Variants in MOGAT1 observed in about 807,000 individuals in gnomAD.
MOGAT1 encodes monoacylglycerol O-acyltransferase 1.
In MOGAT1, 32 loss-of-function variants were observed where a neutral mutation model predicts 31.4. The ratio of observed to expected loss-of-function variants is 1.02; its 90% CI spans 0.77 to 1.37. The LOEUF is 1.37. Ranked by LOEUF, MOGAT1 falls within the 40% of genes most tolerant of loss-of-function variation. MOGAT1 has a pLI of 0.00. For missense variants in MOGAT1, 426 were observed against 402.0 expected (o/e 1.06, Z -0.51); for synonymous variants, 145 against 144.5 (o/e 1.00, Z -0.03).
intron 5 of MOGAT1, among the ~76,000 whole-genome samples, chr2:222,705,720 G>A (rs1263815608): frequency 6.6e-6 from 1 of 151,980 alleles, no homozygotes; most frequent in Non-Finnish European, 1.5e-5. Context: ...TGTCTTGCTA[G>A]GTTTTTCCGG....
intron 1 of MOGAT1, among the ~76,000 whole-genome samples, chr2:222,672,407 G>C (rs568948457): frequency 4.6e-5 from 7 of 152,258 alleles, no homozygotes; most frequent in African/African-American, 9.6e-5. Context: ...TGTAAAGAAG[G>C]CTGCACCACT....
chr2:222,691,405 C>A (rs1574973857), intron 3 of MOGAT1, among the ~76,000 whole-genome samples: 1 of 151,746 alleles, frequency 6.6e-6, no homozygotes, highest in South Asian at 2.1e-4. Flanking sequence ...AACGGGGTTT[C>A]ACCATGTTAG....
In MOGAT1 at chr2:222,694,501, G is replaced by T. The variant is rs1340148895; in HGVS notation, c.618G>T (p.Gln206His). The T allele has an allele frequency of 2.5e-6, 4 of 1,613,766 alleles. No homozygotes were observed. ...GAAAGTTCACTCTGTTCATCCGCCA[G>T]CGGAAAGGATTTGTTAAAATTGCTT... Reference protein sequence around the residue: ...HPGKFTLFIRQRKGFVKIALT... With the variant: ...HPGKFTLFIRHRKGFVKIALT... Residue 206 changes from glutamine (Q) to histidine (H), a missense_variant, in exon 4 of 6, where the codon CAG becomes CAT. By Grantham distance (24) the Gln-to-His change is conservative. Transcript: ENST00000446656.
chr2:222,702,240 C>G (rs1300196097), intron 5 of MOGAT1, among the ~76,000 whole-genome samples: 1 of 152,112 alleles, frequency 6.6e-6, no homozygotes, highest in Non-Finnish European at 1.5e-5. Flanking sequence ...AGGGGGTCCT[C>G]AGAGACATAC....
At chr2:222,702,191 G>T (rs116794327) in intron 5 of MOGAT1, among the ~76,000 whole-genome samples, 1 of 152,150 alleles carries the variant, frequency 6.6e-6, no homozygotes, top group Non-Finnish European at 1.5e-5. Context: ...AACTGGCCTG[G>T]ACTCTTTAAA....
chr2:222,698,279 T>TC (rs1168774886), intron 5 of MOGAT1, among the ~76,000 whole-genome samples: 1 of 152,222 alleles, frequency 6.6e-6, no homozygotes, highest in African/African-American at 2.4e-5. Context: ...AAAAAGTTTC[T>TC]CAATCCCCCA....
intron 5 of MOGAT1, among the ~76,000 whole-genome samples, chr2:222,708,028 C>G (rs1195767827): frequency 6.6e-6 from 1 of 152,160 alleles, no homozygotes; most frequent in Non-Finnish European, 1.5e-5. Context: ...AGGTCAGAGG[C>G]AGCAGTTTGC....
In MOGAT1 at chr2:222,694,554, T is replaced by C; in HGVS notation, c.653+18T>C. Reference sequence around the variant, plus strand: ...ACCCATGGGTAAGTGGCTTTTTGTATAAAGTAGGGGGTCAGAAAAGTTAAG... The same window carrying C: ...ACCCATGGGTAAGTGGCTTTTTGTACAAAGTAGGGGGTCAGAAAAGTTAAG... On this transcript the variant is annotated intron_variant, in intron 4 of 5. Coordinates refer to ENST00000446656, the MANE Select transcript of MOGAT1 (RefSeq NM_058165.3). 8 of 1,609,646 alleles carry C rather than the reference T, an allele frequency of 5.0e-6. No homozygotes were observed. The highest frequency in any genetic ancestry group is 6.8e-6 in the Non-Finnish European group (8 of 1,177,998).
chr2:222,690,210 G>A (rs961261977), intron 3 of MOGAT1, among the ~76,000 whole-genome samples: 19 of 152,084 alleles, frequency 1.2e-4, no homozygotes, highest in Admixed American at 4.6e-4. Context: ...ACCGGAGATG[G>A]TGCCCCTGCA....
chr2:222,690,105 AT>A (rs1417511874), intron 3 of MOGAT1, among the ~76,000 whole-genome samples: 2 of 152,146 alleles, frequency 1.3e-5, no homozygotes, highest in African/African-American at 4.8e-5. Context: ...AAATGCAAAA[AT>A]TAGCTGGGCA....
In MOGAT1 at chr2:222,688,503, A is replaced by G. The variant is rs1352211384; in HGVS notation, c.254A>G (p.Lys85Arg). The G allele has an allele frequency of 6.2e-7, 1 of 1,611,582 alleles. No individual in the cohort carries two copies. The highest frequency in any genetic ancestry group is 2.2e-5 in the East Asian group (1 of 44,870). ...AATTGGACTCTTTGGAAACACTTTA[A>G]GGACTATTTTCCAATTCATGTGAGT... ...IKNWTLWKHF[K>R]DYFPIHLIKT... Residue 85 changes from lysine (K) to arginine (R), a missense_variant, in exon 2 of 6, where the codon AAG becomes AGG. Coordinates refer to ENST00000446656, the MANE Select transcript of MOGAT1 (RefSeq NM_058165.3).
At chr2:222,686,760 C>G (rs768560869) in intron 1 of MOGAT1, among the ~76,000 whole-genome samples, 16 of 152,154 alleles carry the variant, frequency 1.1e-4, no homozygotes, top group Non-Finnish European at 2.1e-4. Flanking sequence ...AGCAGCAAGT[C>G]AGTTTCCTGA....
At chr2:222,686,695 A>ACATG (rs983694980) in intron 1 of MOGAT1, among the ~76,000 whole-genome samples, 61 of 152,322 alleles carry the variant, frequency 4.0e-4, no homozygotes, top group African/African-American at 1.4e-3. Context: ...TGTGGAGGAC[A>ACATG]CATGCTACCT....
chr2:222,681,543 A>G (rs1011520494), intron 1 of MOGAT1, among the ~76,000 whole-genome samples: 1 of 152,212 alleles, frequency 6.6e-6, no homozygotes, highest in Non-Finnish European at 1.5e-5. Flanking sequence ...CCAACCCAGA[A>G]GCTGTCTGAA....
chr2:222,671,982 C>T, intron 1 of MOGAT1, 103 bp downstream of exon 1: 1 of 961,310 alleles, frequency 1.0e-6, no homozygotes, highest in Admixed American at 2.2e-5. Context: ...CCTCGTTCCC[C>T]TGTCGGCCAG....
intron 1 of MOGAT1, among the ~76,000 whole-genome samples, chr2:222,677,404 C>A (rs1348969774): frequency 2.0e-5 from 3 of 152,080 alleles, no homozygotes; most frequent in African/African-American, 7.2e-5. Context: ...CACGGTGAAA[C>A]CCTGACTCTA....
At chr2:222,677,143 G>C (rs148697605) in intron 1 of MOGAT1, among the ~76,000 whole-genome samples, 1 of 152,104 alleles carries the variant, frequency 6.6e-6, no homozygotes, top group Non-Finnish European at 1.5e-5. Flanking sequence ...ACCAAAACCA[G>C]ACCAGCAAGT....
At chr2:222,703,953 G>A (rs1692966904) in intron 5 of MOGAT1, among the ~76,000 whole-genome samples, 1 of 152,010 alleles carries the variant, frequency 6.6e-6, no homozygotes, top group Non-Finnish European at 1.5e-5. Flanking sequence ...CTTAGGTACA[G>A]CATAGCACCG....
At chr2:222,693,808 T>C (rs1377340197) in intron 3 of MOGAT1, among the ~76,000 whole-genome samples, 1 of 152,106 alleles carries the variant, frequency 6.6e-6, no homozygotes, top group Non-Finnish European at 1.5e-5. Context: ...CAAGGTGAGA[T>C]TTAGGTGGGG....
Sources: gnomAD v4.1 joint callset for allele counts (sites outside exome capture counted in the v4.1 genomes callset) on GRCh38, gnomAD v4.1.1 for gene constraint, MANE v1.5 for transcripts, NCBI Gene and HGNC (gene_info 2026-07-23, HGNC 2026-07-21) for gene names.